AOAH: variants seen among roughly 807,000 people sequenced by gnomAD.
AOAH encodes the protein acyloxyacyl hydrolase (neutrophil).
A neutral mutation model predicts 92.2 loss-of-function variants in AOAH; 64 were observed. The observed-to-expected ratio is 0.69, with a 90% CI of 0.57 to 0.86. AOAH has a LOEUF of 0.86. AOAH is among the 40% of genes least tolerant of loss of function. The pLI is 0.00. For missense variants in AOAH, 656 were observed against 694.6 expected (o/e 0.94, Z 0.62); for synonymous variants, 263 against 254.5 (o/e 1.03, Z -0.32).
intron 1 of AOAH, among the ~76,000 whole-genome samples, chr7:36,710,472 A>G (rs1184689665): frequency 1.3e-5 from 2 of 152,192 alleles, no homozygotes; most frequent in Non-Finnish European, 2.9e-5. Flanking sequence ...GTGAACTTGC[A>G]AGAGGACCAC....
intron 4 of AOAH, among the ~76,000 whole-genome samples, chr7:36,658,950 CA>C (rs1206799781): frequency 2.0e-5 from 3 of 152,204 alleles, no homozygotes; most frequent in Non-Finnish European, 4.4e-5. Flanking sequence ...TTACAGTCCA[CA>C]ATGGCTGAAC....
intron 13 of AOAH, among the ~76,000 whole-genome samples, chr7:36,575,216 G>C (rs1281620635): frequency 6.6e-6 from 1 of 152,170 alleles, no homozygotes; most frequent in Non-Finnish European, 1.5e-5. Context: ...GCAGAGGGAT[G>C]AGGCCGATCT....
chr7:36,606,555 TTCTC>T (rs1791015043), intron 11 of AOAH, among the ~76,000 whole-genome samples: 1 of 152,174 alleles, frequency 6.6e-6, no homozygotes. Context: ...TCAGAATTGC[TTCTC>T]TCTCCTCACC....
chr7:36,517,805 T>C (rs1029172527), intron 20 of AOAH, among the ~76,000 whole-genome samples: 7 of 151,752 alleles, frequency 4.6e-5, no homozygotes, highest in Non-Finnish European at 1.0e-4. Flanking sequence ...TTCACCATTA[T>C]GGCCAGGCTG....
At chr7:36,532,521 A>G (rs905838209) in intron 16 of AOAH, among the ~76,000 whole-genome samples, 177 bp from the exon 17 acceptor site, 1 of 152,238 alleles carries the variant, frequency 6.6e-6, no homozygotes, top group African/African-American at 2.4e-5. Context: ...CTGAGCCTCT[A>G]GAAATTCAGA....
chr7:36,681,210 T>C (rs1339888293), intron 2 of AOAH, among the ~76,000 whole-genome samples: 1 of 152,190 alleles, frequency 6.6e-6, no homozygotes, highest in African/African-American at 2.4e-5. Flanking sequence ...AAAATAGTAA[T>C]AATATTTTTC....
At position 36,522,132 on chromosome 7, in the gene AOAH, G is replaced by A. The variant is rs771561816; in HGVS notation, c.1523-17C>T. ...CCTGTATGACTGCAGGGCACATAAC[G>A]AGAGGGTTACAGACACACTTGCACA... On this transcript the variant is annotated splice_polypyrimidine_tract_variant and intron_variant, in intron 19 of 20. Transcript: ENST00000617537. 16 of 1,613,056 alleles carry A rather than the reference G, an allele frequency of 9.9e-6. No homozygotes were observed. Among genetic ancestry groups the A allele is most frequent in the East Asian group, 6.7e-5 (3 of 44,880 alleles).
At chr7:36,583,002 GC>G (rs1219064894) in intron 12 of AOAH, among the ~76,000 whole-genome samples, 1 of 152,044 alleles carries the variant, frequency 6.6e-6, no homozygotes, top group Non-Finnish European at 1.5e-5. Context: ...ATGCCACCAT[GC>G]CCAGCTAATT....
chr7:36,599,922 T>G (rs1790428297), intron 11 of AOAH: 1 of 152,650 alleles, frequency 6.6e-6, no homozygotes, highest in African/African-American at 2.4e-5. Context: ...CTTAGTGCCT[T>G]TCTTGTGGGA....
intron 13 of AOAH, among the ~76,000 whole-genome samples, chr7:36,553,888 T>C (rs549384561): frequency 6.6e-6 from 1 of 152,338 alleles, no homozygotes; most frequent in African/African-American, 2.4e-5. Flanking sequence ...TATTAGCCCT[T>C]TGTCAGATGA....
chr7:36,645,351 C>A (rs1336487073), intron 4 of AOAH, among the ~76,000 whole-genome samples: 1 of 152,120 alleles, frequency 6.6e-6, no homozygotes, highest in African/African-American at 2.4e-5. Context: ...CTGTTGGCAC[C>A]GTGATATTGG....
chr7:36,541,552 TA>T (rs1235326406), intron 15 of AOAH, among the ~76,000 whole-genome samples: 1 of 152,246 alleles, frequency 6.6e-6, no homozygotes, highest in Non-Finnish European at 1.5e-5. Flanking sequence ...GAAGTTATGT[TA>T]AAATTGCACT....
chr7:36,546,290 A>G (rs1383282453), intron 15 of AOAH, among the ~76,000 whole-genome samples: 1 of 152,268 alleles, frequency 6.6e-6, no homozygotes, highest in Non-Finnish European at 1.5e-5. Flanking sequence ...GACAAACTTA[A>G]TTATGTAACT....
intron 1 of AOAH, among the ~76,000 whole-genome samples, chr7:36,721,457 A>G (rs1272298171): frequency 1.3e-5 from 2 of 152,098 alleles, no homozygotes; most frequent in African/African-American, 2.4e-5. Flanking sequence ...CCAAAAGCCA[A>G]CTTCAATCAG....
intron 13 of AOAH, among the ~76,000 whole-genome samples, chr7:36,551,737 G>A (rs1397385556): frequency 6.6e-6 from 1 of 152,138 alleles, no homozygotes; most frequent in African/African-American, 2.4e-5. Flanking sequence ...CCTTTTGGTT[G>A]TTGTGAATAA....
At chr7:36,608,506 C>A (rs931388800) in intron 11 of AOAH, among the ~76,000 whole-genome samples, 2 of 152,164 alleles carry the variant, frequency 1.3e-5, no homozygotes, top group Non-Finnish European at 2.9e-5. Flanking sequence ...ATAAATAGTC[C>A]AATTTTTAAC....
chr7:36,554,550 A>T lies in AOAH; in HGVS notation c.1022-5075T>A, dbSNP rs1458404948. ...TCATTGGTAGCTTGATGGCGATGGC[A>T]TTGAATCTACAAATTGCCTTGGGCA... On this transcript the variant is annotated intron_variant, in intron 13 of 20. Coordinates refer to ENST00000617537, the MANE Select transcript of AOAH (RefSeq NM_001637.4). 3.3e-5 allele frequency among the ~76,000 whole-genome samples: 5 copies of T among 152,254 alleles called. No individual in the cohort carries two copies. In the East Asian group the frequency reaches 9.6e-4, roughly 29 times the overall value.
chr7:36,574,427 C>T (rs548963334), intron 13 of AOAH, among the ~76,000 whole-genome samples: 2 of 152,192 alleles, frequency 1.3e-5, no homozygotes, highest in Non-Finnish European at 2.9e-5. Flanking sequence ...AAAAGGACAA[C>T]CATTTACTAT....
chr7:36,685,171 A>G (rs907871739), intron 2 of AOAH, among the ~76,000 whole-genome samples: 2 of 152,128 alleles, frequency 1.3e-5, no homozygotes, highest in African/African-American at 4.8e-5. Flanking sequence ...GACTGTGGGA[A>G]ACTCTACAGG....
Sources: allele counts gnomAD v4.1 joint callset (sites outside exome capture counted in the v4.1 genomes callset), GRCh38; gene constraint gnomAD v4.1.1; transcripts MANE v1.5; gene names NCBI Gene and HGNC (gene_info 2026-07-23, HGNC 2026-07-21).